GAB1: variants seen among roughly 807,000 people sequenced by gnomAD.
GAB1 encodes the protein GRB2 associated binding protein 1, also known as GRB2-associated-binding protein 1.
GAB1 carries 19 observed loss-of-function variants against 66.5 expected under a neutral mutation model. The ratio of observed to expected loss-of-function variants is 0.29; its 90% CI spans 0.20 to 0.42. The LOEUF is 0.42. Ranked by LOEUF, GAB1 falls within the 10% of genes least tolerant of loss-of-function variation. The pLI is 1.00. For synonymous variants in GAB1, 294 were observed against 301.4 expected (o/e 0.98, Z 0.25); for missense variants, 732 against 858.5 (o/e 0.85, Z 1.84).
intron 6 of GAB1, among the ~76,000 whole-genome samples, chr4:143,446,718 C>G (rs376431374): frequency 6.6e-6 from 1 of 152,016 alleles, no homozygotes; most frequent in Non-Finnish European, 1.5e-5. Flanking sequence ...GAGTAGGTTG[C>G]GAAAATTTTC....
chr4:143,380,357 T>A (rs1388298152), intron 1 of GAB1, among the ~76,000 whole-genome samples: 1 of 152,198 alleles, frequency 6.6e-6, no homozygotes, highest in African/African-American at 2.4e-5. Context: ...AACTTAGCAA[T>A]TCATATAACC....
chr4:143,446,101 T>C (rs1734508213), intron 6 of GAB1, among the ~76,000 whole-genome samples: 1 of 152,112 alleles, frequency 6.6e-6, no homozygotes, highest in South Asian at 2.1e-4. Flanking sequence ...ATTTCATCCA[T>C]GTCCCTACAA....
chr4:143,383,445 A>G (rs1454982937), intron 1 of GAB1, among the ~76,000 whole-genome samples: 2 of 152,222 alleles, frequency 1.3e-5, no homozygotes, highest in Non-Finnish European at 2.9e-5. Context: ...TCCTTTAAAA[A>G]TGTATACTTT....
chr4:143,374,629 C>G (rs576860805), intron 1 of GAB1, among the ~76,000 whole-genome samples: 13 of 152,292 alleles, frequency 8.5e-5, no homozygotes, highest in African/African-American at 2.6e-4. Context: ...CTATCTGTGG[C>G]TATCACAGGG....
chr4:143,446,671 T>C, intron 6 of GAB1, among the ~76,000 whole-genome samples: 2 of 152,168 alleles, frequency 1.3e-5, no homozygotes, highest in African/African-American at 4.8e-5. Flanking sequence ...TTTGTTTGAG[T>C]TCATTGTAGA....
intron 1 of GAB1, among the ~76,000 whole-genome samples, chr4:143,374,446 A>G (rs1730325411): frequency 1.3e-5 from 2 of 152,172 alleles, no homozygotes; most frequent in South Asian, 2.1e-4. Context: ...GGTGCACACT[A>G]TTGTGGGAAT....
In GAB1 at chr4:143,473,418, C is replaced by G. The variant is rs186547171; in HGVS notation, c.*4229C>G. On this transcript the variant is annotated 3_prime_UTR_variant, in exon 10 of 10. Coordinates refer to ENST00000262994, the MANE Select transcript of GAB1 (RefSeq NM_002039.4). ...CTTTATCTGCATCAAAAACCCAATT[C>G]TGCCATTAACTGTGCTTCCCAGTCC... is the stretch of plus-strand genomic sequence containing the variant. 1 of 152,316 alleles carries G rather than the reference C, an allele frequency of 6.6e-6. No homozygotes were observed. Among genetic ancestry groups the G allele is most frequent in the East Asian group, 1.9e-4 (1 of 5,180 alleles). 9.4% of individuals were successfully genotyped at this position (152,316 alleles called of 1,614,324 possible).
At chr4:143,396,879 G>C (rs1275666726) in intron 1 of GAB1, among the ~76,000 whole-genome samples, 1 of 152,160 alleles carries the variant, frequency 6.6e-6, no homozygotes. Context: ...GATGTAAGGA[G>C]CCCCTGCTGG....
At chr4:143,378,427 C>T (rs1428798796) in intron 1 of GAB1, among the ~76,000 whole-genome samples, 2 of 152,156 alleles carry the variant, frequency 1.3e-5, no homozygotes, top group Non-Finnish European at 2.9e-5. Context: ...AATATATGTT[C>T]TGGTTCTTTT....
At chr4:143,339,679 C>A (rs751944029) in intron 1 of GAB1, among the ~76,000 whole-genome samples, 7 of 152,082 alleles carry the variant, frequency 4.6e-5, no homozygotes, top group African/African-American at 1.7e-4. Context: ...TTTGGGACCA[C>A]GAGACAAGTA....
intron 1 of GAB1, among the ~76,000 whole-genome samples, chr4:143,397,696 A>G (rs1731521304): frequency 6.6e-6 from 1 of 152,220 alleles, no homozygotes; most frequent in African/African-American, 2.4e-5. Context: ...GACAAGGGCT[A>G]AAAATCAACC....
At chr4:143,426,602 GA>G (rs1054477258) in intron 2 of GAB1, among the ~76,000 whole-genome samples, 30 of 152,252 alleles carry the variant, frequency 2.0e-4, no homozygotes, top group African/African-American at 5.8e-4. Flanking sequence ...TCTGCCCTGT[GA>G]ATGAAACATT....
intron 1 of GAB1, among the ~76,000 whole-genome samples, chr4:143,347,123 G>A (rs914722127): frequency 2.0e-5 from 3 of 152,108 alleles, no homozygotes; most frequent in African/African-American, 7.2e-5. Context: ...TCATTCTTCG[G>A]TGTTTGTAAT....
At chr4:143,346,091 T>C (rs892921140) in intron 1 of GAB1, among the ~76,000 whole-genome samples, 16 of 152,230 alleles carry the variant, frequency 1.1e-4, no homozygotes, top group African/African-American at 3.6e-4. Context: ...CATAGTTCCC[T>C]ACTCTCTCTT....
At chr4:143,386,387 A>G (rs1298061217) in intron 1 of GAB1, among the ~76,000 whole-genome samples, 1 of 152,152 alleles carries the variant, frequency 6.6e-6, no homozygotes, top group Non-Finnish European at 1.5e-5. Context: ...TTTTATATAA[A>G]TAATATTTTT....
chr4:143,395,280 A>G (rs920836505), intron 1 of GAB1: 3 of 152,360 alleles, frequency 2.0e-5, no homozygotes, highest in East Asian at 1.9e-4. Flanking sequence ...TGGAACCACT[A>G]TCCCTCCAGC....
Position 143,438,170 on chromosome 4 carries a change from C to T in GAB1, c.765C>T (p.Asp255=). The T allele has an allele frequency of 6.2e-7, 1 of 1,614,050 alleles. No homozygotes were observed. The highest frequency in any genetic ancestry group is 8.5e-7 in the Non-Finnish European group (1 of 1,179,984). ...PPSRAPSASV[D]SSLYNLPRSY... ...CACGTGCCCCATCTGCTTCAGTTGA[C>T]TCCAGCCTTTATAACCTGCCCAGGA... The change falls in exon 4 of 10, where the codon GAC becomes GAT. Residue 255 remains aspartate (D), a synonymous_variant. Coordinates refer to ENST00000262994, the MANE Select transcript of GAB1 (RefSeq NM_002039.4).
intron 1 of GAB1, among the ~76,000 whole-genome samples, chr4:143,362,102 G>A (rs1729686426): frequency 6.6e-6 from 1 of 151,826 alleles, no homozygotes; most frequent in Non-Finnish European, 1.5e-5. Flanking sequence ...AGGAAGGAAA[G>A]TTCAGATGCT....
At chr4:143,460,327 C>A in intron 7 of GAB1, 37 bp from the exon 8 acceptor site, 1 of 1,605,090 alleles carries the variant, frequency 6.2e-7, no homozygotes, top group South Asian at 1.1e-5. Flanking sequence ...ATATTTTTGT[C>A]AAGGCTTATG....
Sources: gnomAD v4.1 joint callset for allele counts (sites outside exome capture counted in the v4.1 genomes callset) on GRCh38, gnomAD v4.1.1 for gene constraint, MANE v1.5 for transcripts, NCBI Gene and HGNC (gene_info 2026-07-23, HGNC 2026-07-21) for gene names.